The following SEMA5A variants were observed in gnomAD, a reference collection of about 807,000 sequenced individuals.
SEMA5A encodes semaphorin 5A, also known as semaphorin-5A.
A neutral mutation model predicts 135.5 loss-of-function variants in SEMA5A; 55 were observed. That is an observed-to-expected ratio of 0.41 (90% CI 0.33 to 0.51). SEMA5A has a LOEUF of 0.51. SEMA5A is among the 20% of genes least tolerant of loss of function. The pLI is 0.37. For missense variants in SEMA5A, 1,290 were observed against 1,419.9 expected, an observed-to-expected ratio of 0.91 and a Z score of 1.47; for synonymous variants, 580 against 546.5, an observed-to-expected ratio of 1.06 and a Z score of -0.85.
At chr5:9,097,532 G>A (rs1739386900) in intron 16 of SEMA5A, among the ~76,000 whole-genome samples, 1 of 152,180 alleles carries the variant, frequency 6.6e-6, no homozygotes, top group Non-Finnish European at 1.5e-5. Context: ...GAAAGGTATT[G>A]GAAATGAGTC....
chr5:9,518,646 T>C, intron 1 of SEMA5A, among the ~76,000 whole-genome samples: 1 of 152,200 alleles, frequency 6.6e-6, no homozygotes, highest in East Asian at 1.9e-4. Flanking sequence ...TCTCTGTGTG[T>C]TCTCCCATTT....
chr5:9,156,183 T>C (rs1204213621), intron 11 of SEMA5A, among the ~76,000 whole-genome samples: 1 of 152,296 alleles, frequency 6.6e-6, no homozygotes, highest in Non-Finnish European at 1.5e-5. Flanking sequence ...AGTTCACAGA[T>C]GTAAGCATGT....
chr5:9,511,296 C>A (rs1270484004), intron 1 of SEMA5A: 1 of 152,134 alleles, frequency 6.6e-6, no homozygotes, highest in Non-Finnish European at 1.5e-5. Context: ...ATCTCTGTTA[C>A]TCATTTTGAT....
At chr5:9,059,829 T>G (rs763814307) in intron 18 of SEMA5A, among the ~76,000 whole-genome samples, 6 of 152,198 alleles carry the variant, frequency 3.9e-5, no homozygotes, top group Non-Finnish European at 7.3e-5. Context: ...GGATTACAAG[T>G]GTGAGCCTCC....
intron 12 of SEMA5A, among the ~76,000 whole-genome samples, chr5:9,151,908 T>C (rs369241572): frequency 6.6e-6 from 1 of 152,130 alleles, no homozygotes; most frequent in African/African-American, 2.4e-5. Context: ...TCATTCTCCT[T>C]GAAAGGAAAG....
chr5:9,037,827 T>C lies in SEMA5A; in HGVS notation c.*5070A>G, dbSNP rs918159886. 3 of 152,216 alleles carry C rather than the reference T, an allele frequency of 2.0e-5. No homozygotes were observed. Among genetic ancestry groups the C allele is most frequent in the Admixed American group, 6.5e-5 (1 of 15,282 alleles). The allele number at this position is 152,216 out of a possible 1,614,324, so 9.4% of individuals were successfully genotyped here. ...TAAAAAAAAATCTTTAAATCCATTA[T>C]AATTAATGACCTCAATAGGGCAGAA... On this transcript the variant is annotated 3_prime_UTR_variant, in exon 23 of 23. Transcript: ENST00000382496.
At chr5:9,470,427 A>C (rs1395828546) in intron 1 of SEMA5A, among the ~76,000 whole-genome samples, 1 of 152,232 alleles carries the variant, frequency 6.6e-6, no homozygotes, top group East Asian at 1.9e-4. Flanking sequence ...TGTAAAATAA[A>C]GATCATTGAA....
At chr5:9,502,420 C>A (rs974086218) in intron 1 of SEMA5A, among the ~76,000 whole-genome samples, 4 of 152,212 alleles carry the variant, frequency 2.6e-5, no homozygotes, top group Non-Finnish European at 4.4e-5. Context: ...GCCAACCATA[C>A]TTTAAGCACA....
chr5:9,367,638 G>A (rs949483234), intron 3 of SEMA5A, among the ~76,000 whole-genome samples: 7 of 152,176 alleles, frequency 4.6e-5, no homozygotes, highest in Non-Finnish European at 7.4e-5. Context: ...CTTATGCCAA[G>A]TTAACATGAA....
At chr5:9,192,247 AGGTC>A (rs1745150219) in intron 10 of SEMA5A, among the ~76,000 whole-genome samples, 1 of 152,264 alleles carries the variant, frequency 6.6e-6, no homozygotes, top group Non-Finnish European at 1.5e-5. Context: ...GTCTGAGGTG[AGGTC>A]TCGCCTCTCA....
Position 9,331,447 on chromosome 5 carries a change from G to C in SEMA5A, c.224+6266C>G, listed in dbSNP as rs191343347. On this transcript the variant is annotated intron_variant, in intron 4 of 22. Transcript: ENST00000382496. ...TAGATTGAGGAGGCTTCACTGTCTT[G>C]GGTTCCTATGTAAACAAACCAAAAT... Among the ~76,000 whole-genome samples the C allele has an allele frequency of 3.9e-5, 6 of 152,204 alleles. No homozygotes were observed. In the East Asian group the frequency reaches 1.2e-3, roughly 29 times the overall value.
At chr5:9,162,771 T>C (rs887085005) in intron 11 of SEMA5A, among the ~76,000 whole-genome samples, 2 of 151,706 alleles carry the variant, frequency 1.3e-5, no homozygotes, top group Admixed American at 1.3e-4. Context: ...AAAGATATGA[T>C]GGATGTTAAG....
chr5:9,385,794 C>CTTTTTT lies in SEMA5A; in HGVS notation c.-77-5777_-77-5772dup, dbSNP rs5865830. Among the ~76,000 whole-genome samples, 23 of 109,980 alleles carry CTTTTTT rather than the reference C, an allele frequency of 2.1e-4. 2 individuals are homozygous for CTTTTTT. Among genetic ancestry groups the CTTTTTT allele is most frequent in the Non-Finnish European group, 2.5e-4 (14 of 56,884 alleles). The allele number at this position is 109,980 out of a possible 152,430, so 72.2% of individuals were successfully genotyped here. ...TTGCAGGAGAAGGAGTTGGAAAGCGCTTTTTTTTTTTTTTTTTTTTGAGAC... is the reference window on the plus strand; with the variant it reads ...TTGCAGGAGAAGGAGTTGGAAAGCGCTTTTTTTTTTTTTTTTTTTTTTTTTTGAGAC... On this transcript the variant is annotated intron_variant, in intron 2 of 22. Coordinates refer to ENST00000382496, the MANE Select transcript of SEMA5A (RefSeq NM_003966.3).
intron 22 of SEMA5A, among the ~76,000 whole-genome samples, 197 bp downstream of exon 22, chr5:9,044,176 T>C (rs1736115310): frequency 6.6e-6 from 1 of 152,098 alleles, no homozygotes; most frequent in South Asian, 2.1e-4. Context: ...AAGAGACAAG[T>C]ATGGACATTG....
Position 9,268,337 on chromosome 5 carries a change from G to A in SEMA5A, c.271-30447C>T, listed in dbSNP as rs968115282. 3.9e-5 allele frequency among the ~76,000 whole-genome samples: 6 copies of A among 152,244 alleles called. No individual in the cohort carries two copies. In the South Asian group the frequency reaches 1.0e-3, roughly 26 times the overall value. On this transcript the variant is annotated intron_variant, in intron 5 of 22. Transcript: ENST00000382496. ...AGAATCAACTTCCAAGACATTTTCT[G>A]TGTGTGGAAGATGTGCACAGCTAGC...
chr5:9,404,457 T>C (rs1756797174), intron 2 of SEMA5A, among the ~76,000 whole-genome samples: 1 of 152,120 alleles, frequency 6.6e-6, no homozygotes, highest in South Asian at 2.1e-4. Flanking sequence ...AAGAGAAAAA[T>C]AGCACCCATA....
intron 12 of SEMA5A, among the ~76,000 whole-genome samples, chr5:9,141,967 G>A (rs1042570118): frequency 1.3e-5 from 2 of 152,042 alleles, no homozygotes; most frequent in African/African-American, 4.8e-5. Flanking sequence ...CTTACACATG[G>A]GATTTTAAAA....
intron 2 of SEMA5A, among the ~76,000 whole-genome samples, chr5:9,390,311 T>C (rs1469324301): frequency 6.6e-6 from 1 of 152,138 alleles, no homozygotes; most frequent in Non-Finnish European, 1.5e-5. Context: ...ACGGAAGATA[T>C]CACCAAATGT....
chr5:9,317,166 A>G (rs1228622169), intron 5 of SEMA5A, among the ~76,000 whole-genome samples: 2 of 152,114 alleles, frequency 1.3e-5, no homozygotes, highest in Non-Finnish European at 2.9e-5. Context: ...TCAATGAAAG[A>G]CTCCAGTTAT....
Sources: gnomAD v4.1 joint callset for allele counts (sites outside exome capture counted in the v4.1 genomes callset) on GRCh38, gnomAD v4.1.1 for gene constraint, MANE v1.5 for transcripts, NCBI Gene and HGNC (gene_info 2026-07-23, HGNC 2026-07-21) for gene names.